Variants in LRRIQ4 observed in about 807,000 individuals in gnomAD.
The protein encoded by LRRIQ4 is leucine rich repeats and IQ motif containing 4.
In LRRIQ4, 21 loss-of-function variants were observed where a neutral mutation model predicts 40.1. The observed-to-expected ratio is 0.52, with a 90% CI of 0.37 to 0.75. LRRIQ4 has a LOEUF of 0.75. Ranked by LOEUF, LRRIQ4 falls within the 30% of genes least tolerant of loss-of-function variation. The probability of loss-of-function intolerance (pLI) is 0.00; values close to 1 mark genes in which losing one functional copy is unlikely to be tolerated. For missense variants in LRRIQ4, 655 were observed against 660.0 expected, an observed-to-expected ratio of 0.99 and a Z score of 0.08; for synonymous variants, 277 against 277.1, an observed-to-expected ratio of 1.00 and a Z score of 0.00.
intron 1 of LRRIQ4, among the ~76,000 whole-genome samples, chr3:169,815,928 G>A (rs1301093732): frequency 6.6e-6 from 1 of 152,188 alleles, no homozygotes; most frequent in African/African-American, 2.4e-5. Context: ...CTGTTGATAG[G>A]TTGTATCACA....
chr3:169,834,473 C>T (rs1780261481), intron 5 of LRRIQ4, among the ~76,000 whole-genome samples: 1 of 152,104 alleles, frequency 6.6e-6, no homozygotes, highest in African/African-American at 2.4e-5. Flanking sequence ...AACTGTGCAC[C>T]CTCTTGCACG....
chr3:169,832,436 C>G (rs988948131), intron 4 of LRRIQ4, among the ~76,000 whole-genome samples: 21 of 151,050 alleles, frequency 1.4e-4, no homozygotes, highest in Non-Finnish European at 2.4e-4. Flanking sequence ...CCACTGCACT[C>G]CAGCCTCGGT....
chr3:169,831,078 CTATATATGATTCCTACT>C (rs1210858440), intron 4 of LRRIQ4, among the ~76,000 whole-genome samples: 5 of 151,990 alleles, frequency 3.3e-5, no homozygotes. Flanking sequence ...ACCTGGAAAA[CTATATATGATTCCTACT>C]TAAATAGCCA....
chr3:169,836,483 AAGAGAGAG>A (rs3047513), intron 5 of LRRIQ4, among the ~76,000 whole-genome samples: 6 of 150,256 alleles, frequency 4.0e-5, no homozygotes, highest in Non-Finnish European at 7.4e-5. Context: ...ATATAACAGA[AAGAGAGAG>A]AGAGAGAGAG....
chr3:169,815,642 T>C (rs1432141487), intron 1 of LRRIQ4, among the ~76,000 whole-genome samples: 1 of 152,200 alleles, frequency 6.6e-6, no homozygotes, highest in Non-Finnish European at 1.5e-5. Context: ...CTTTCTCTTC[T>C]CTAATTGCTC....
At chr3:169,834,316 T>C (rs9846897) in intron 5 of LRRIQ4, among the ~76,000 whole-genome samples, 2,380 of 152,288 alleles carry the variant, frequency 0.016, 69 homozygotes, top group African/African-American at 0.054. Flanking sequence ...GAGCCTAGAT[T>C]GTGCCACTGC....
chr3:169,834,831 T>A (rs1780269594), intron 5 of LRRIQ4, among the ~76,000 whole-genome samples: 1 of 151,916 alleles, frequency 6.6e-6, no homozygotes. Context: ...AATATTTATA[T>A]AAATTAAATT....
intron 5 of LRRIQ4, 113 bp downstream of exon 5, chr3:169,833,296 A>G (rs76218649): frequency 0.039 from 33,542 of 870,236 alleles, 779 homozygotes; most frequent in Middle Eastern, 0.051. Flanking sequence ...GCTTCTGAAA[A>G]GAGAAGTTAC....
Position 169,822,254 on chromosome 3 carries a change from TGTC to T in LRRIQ4, c.336_338del (p.Val114del), listed in dbSNP as rs1186478912. ...ACAACCCCATCTTCTCCTCCTCCCT[TGTC>T]GTTGTCAGCTTCCTCCACGCCCTGC... On this transcript the variant is annotated inframe_deletion, in exon 2 of 6. Transcript: ENST00000340806. 6.2e-7 allele frequency: 1 copy of T among 1,609,486 alleles called. No homozygotes were observed. Among genetic ancestry groups the T allele is most frequent in the South Asian group, 1.1e-5 (1 of 90,386 alleles).
Position 169,826,307 on chromosome 3 carries a change from G to T in LRRIQ4, c.1021-2452G>T, listed in dbSNP as rs550722976. ...CTCGGGAGGTTGAGGCAGGAGAATCGCTTGAACCCAGGAGGCAGAGGTTGC... is the reference window on the plus strand; with the variant it reads ...CTCGGGAGGTTGAGGCAGGAGAATCTCTTGAACCCAGGAGGCAGAGGTTGC... On this transcript the variant is annotated intron_variant, in intron 2 of 5. Transcript: ENST00000340806. Among the ~76,000 whole-genome samples the T allele has an allele frequency of 1.8e-3, 272 of 151,412 alleles. 3 individuals are homozygous for T. The highest frequency in any genetic ancestry group is 1.7e-3 in the Admixed American group (26 of 15,202).
At chr3:169,827,282 AGTCAATAGGGTGATTGTCAC>A (rs1488441548) in intron 2 of LRRIQ4, among the ~76,000 whole-genome samples, 29 of 152,306 alleles carry the variant, frequency 1.9e-4, no homozygotes, top group African/African-American at 7.0e-4. Context: ...TCTGTAACAC[AGTCAATAGGGTGATTGTCAC>A]ATATTTTAAG....
rs200900869 is a variant in LRRIQ4, at chr3:169,837,485, G to A, written c.1537G>A (p.Ala513Thr). The A allele has an allele frequency of 5.0e-6, 8 of 1,604,938 alleles. No individual in the cohort carries two copies. In the East Asian group the frequency reaches 1.1e-4, roughly 22 times the overall value. The part of the protein sequence containing the change: ...NRNIMATKIQ[A>T]WWRGTMVQRG... ...GGGTTTATCTTGTTTTCAGATTCAG[G>A]CATGGTGGCGTGGAACAATGGTACA... The change falls in exon 6 of 6, where the codon GCA becomes ACA. Residue 513 changes from alanine (A) to threonine (T), a missense_variant. Coordinates refer to ENST00000340806, the MANE Select transcript of LRRIQ4 (RefSeq NM_001080460.3).
At chr3:169,824,740 T>G (rs1371562487) in intron 2 of LRRIQ4, among the ~76,000 whole-genome samples, 1 of 152,074 alleles carries the variant, frequency 6.6e-6, no homozygotes, top group Non-Finnish European at 1.5e-5. Context: ...CTCAAACTCC[T>G]GGCTTCAAGT....
chr3:169,821,332 A>ATT (rs371457928), intron 1 of LRRIQ4, among the ~76,000 whole-genome samples: 7 of 151,300 alleles, frequency 4.6e-5, no homozygotes, highest in Admixed American at 4.0e-4. Flanking sequence ...CAGAATAGGC[A>ATT]TTTTTTTTTA....
intron 2 of LRRIQ4, among the ~76,000 whole-genome samples, chr3:169,825,065 TG>T (rs1433793841): frequency 6.7e-6 from 1 of 149,954 alleles, no homozygotes; most frequent in African/African-American, 2.5e-5. Context: ...TGGAGTACAA[TG>T]GCGCCATCTC....
intron 3 of LRRIQ4, 84 bp from the exon 4 acceptor site, chr3:169,830,408 A>AAAAAT (rs1560614503): frequency 1.8e-6 from 1 of 548,980 alleles, no homozygotes; most frequent in African/African-American, 2.1e-5. Context: ...AAAAAAAAAA[A>AAAAAT]ATGCATGAGC....
chr3:169,813,458 T>C (rs1360331497), intron 1 of LRRIQ4, among the ~76,000 whole-genome samples: 3 of 152,154 alleles, frequency 2.0e-5, no homozygotes, highest in Non-Finnish European at 4.4e-5. Context: ...GAAATGGTAA[T>C]AGTTTCCTTA....
At position 169,830,478 on chromosome 3, in the gene LRRIQ4, T is replaced by C. The variant is rs764507996; in HGVS notation, c.1195-14T>C. 2.6e-6 allele frequency: 4 copies of C among 1,514,936 alleles called. No homozygotes were observed. In the South Asian group the frequency reaches 4.7e-5, roughly 18 times the overall value. 93.8% of individuals were successfully genotyped at this position (1,514,936 alleles called of 1,614,324 possible). A position where few individuals can be genotyped will look rare whatever the true frequency, so the allele number is the denominator to read the frequency against. On this transcript the variant is annotated splice_polypyrimidine_tract_variant and intron_variant, in intron 3 of 5. Coordinates refer to ENST00000340806, the MANE Select transcript of LRRIQ4 (RefSeq NM_001080460.3). ...ATCAAGGTATATTATTATGGTACAC[T>C]CATGTTATTTCAGAGTCTCAAAGAG...
At chr3:169,819,165 G>A (rs553034584) in intron 1 of LRRIQ4, among the ~76,000 whole-genome samples, 1 of 152,210 alleles carries the variant, frequency 6.6e-6, no homozygotes, top group South Asian at 2.1e-4. Flanking sequence ...AGAAAAAATG[G>A]CCAATAAAGA....
Sources: gnomAD v4.1 joint callset for allele counts (sites outside exome capture counted in the v4.1 genomes callset) on GRCh38, gnomAD v4.1.1 for gene constraint, MANE v1.5 for transcripts, NCBI Gene and HGNC (gene_info 2026-07-23, HGNC 2026-07-21) for gene names.